Variants in SCYL2 observed in about 807,000 individuals in gnomAD.
The protein encoded by SCYL2 is SCY1-like protein 2.
SCYL2 carries 36 observed loss-of-function variants against 100.4 expected under a neutral mutation model. The ratio of observed to expected loss-of-function variants is 0.36; its 90% CI spans 0.27 to 0.47. SCYL2 has a LOEUF of 0.47. Ranked by LOEUF, SCYL2 falls within the 20% of genes least tolerant of loss-of-function variation. The probability of loss-of-function intolerance (pLI) is 1.00; values close to 1 mark genes in which losing one functional copy is unlikely to be tolerated. For synonymous variants in SCYL2, 330 were observed against 359.2 expected, an observed-to-expected ratio of 0.92 and a Z score of 0.92; for missense variants, 902 against 1,083.9, an observed-to-expected ratio of 0.83 and a Z score of 2.36.
chr12:100,311,383 G>T (rs2096341983), intron 5 of SCYL2, among the ~76,000 whole-genome samples, 190 bp downstream of exon 5: 1 of 151,844 alleles, frequency 6.6e-6, no homozygotes, highest in African/African-American at 2.4e-5. Context: ...TGTTATTTGA[G>T]AAAAGGATGC....
At chr12:100,291,399 G>A (rs1469396318) in intron 2 of SCYL2, 104 bp from the exon 3 acceptor site, 4 of 714,776 alleles carry the variant, frequency 5.6e-6, no homozygotes, top group Non-Finnish European at 8.9e-6. Context: ...TATTACAATG[G>A]TGCTAAAATT....
At position 100,313,503 on chromosome 12, in the gene SCYL2, C is replaced by T; in HGVS notation, c.934C>T (p.Pro312Ser). The T allele has an allele frequency of 6.2e-7, 1 of 1,603,494 alleles. No homozygotes were observed. The highest frequency in any genetic ancestry group is 1.7e-5 in the Admixed American group (1 of 59,784). The change falls in exon 7 of 18, where the codon CCG becomes TCG. Residue 312 changes from proline (P) to serine (S), a missense_variant. Physicochemically the swap from Pro to Ser is moderately conservative, Grantham distance 74 (BLOSUM62 -1). Transcript: ENST00000360820. ...EHVKLLLNVT[P>S]TVRPDADQMT... Reference sequence around the variant, plus strand: ...TGTAAAGCTACTGTTAAATGTAACTCCGACTGTAAGACCAGATGCAGATCA... The same window carrying T: ...TGTAAAGCTACTGTTAAATGTAACTTCGACTGTAAGACCAGATGCAGATCA...
At position 100,313,657 on chromosome 12, in the gene SCYL2, C is replaced by A. The variant is rs965816529; in HGVS notation, c.969+119C>A. On this transcript the variant is annotated intron_variant, in intron 7 of 17. Coordinates refer to ENST00000360820, the MANE Select transcript of SCYL2 (RefSeq NM_017988.6). ...GGGATCCCTGTTCTGAGATTAAGTT[C>A]TTCTAAAGCAACAGTCAGATACAGC... 41 of 601,098 alleles carry A rather than the reference C, an allele frequency of 6.8e-5. No individual in the cohort carries two copies. In the South Asian group the frequency reaches 8.4e-4, roughly 12 times the overall value. The allele number at this position is 601,098 out of a possible 1,614,324, so 37.2% of individuals were successfully genotyped here.
At chr12:100,280,055 A>T (rs752685792) in intron 1 of SCYL2, among the ~76,000 whole-genome samples, 1 of 152,180 alleles carries the variant, frequency 6.6e-6, no homozygotes, top group Non-Finnish European at 1.5e-5. Flanking sequence ...GTAGTTTGGA[A>T]TGTGCCTCTG....
In SCYL2 at chr12:100,313,434, G is replaced by A. The variant is rs745826107; in HGVS notation, c.865G>A (p.Gly289Arg). The change falls in exon 7 of 18, where the codon GGA (glycine) becomes AGA (arginine). Residue 289 changes from glycine (G) to arginine (R), a missense_variant. Physicochemically the swap from Gly to Arg is moderately radical, Grantham distance 125. Transcript: ENST00000360820. ...CTCTTTTGAATAGTTGAGTCGTTTAGGATCTAGTTCACTTACAAATATACC... is the reference window on the plus strand; with the variant it reads ...CTCTTTTGAATAGTTGAGTCGTTTAAGATCTAGTTCACTTACAAATATACC... ...SRQLDQLSRLGSSSLTNIPEE... is the reference protein window; with the variant it reads ...SRQLDQLSRLRSSSLTNIPEE... 1 of 1,490,784 alleles carries A rather than the reference G, an allele frequency of 6.7e-7. No individual in the cohort carries two copies. The highest frequency in any genetic ancestry group is 9.3e-7 in the Non-Finnish European group (1 of 1,073,468). 92.3% of individuals were successfully genotyped at this position (1,490,784 alleles called of 1,614,324 possible).
intron 10 of SCYL2, among the ~76,000 whole-genome samples, chr12:100,322,685 C>A (rs1017692494): frequency 5.3e-5 from 8 of 151,732 alleles, no homozygotes; most frequent in Non-Finnish European, 8.8e-5. Flanking sequence ...ATGGTGAAAC[C>A]CCATCTCTAC....
chr12:100,314,043 G>A (rs2096345526), intron 7 of SCYL2, among the ~76,000 whole-genome samples: 1 of 152,054 alleles, frequency 6.6e-6, no homozygotes, highest in African/African-American at 2.4e-5. Context: ...ACCACACCTG[G>A]CTAATTTTTG....
At chr12:100,326,792 C>T (rs140434831) in intron 12 of SCYL2, 38 bp downstream of exon 12, 1 of 1,575,554 alleles carries the variant, frequency 6.3e-7, no homozygotes, top group Non-Finnish European at 8.6e-7. Flanking sequence ...GCTATTTTAT[C>T]ATGCAAATAA....
intron 10 of SCYL2, among the ~76,000 whole-genome samples, chr12:100,321,663 T>C (rs1042097955): frequency 1.3e-5 from 2 of 152,240 alleles, no homozygotes; most frequent in Non-Finnish European, 2.9e-5. Context: ...AAATTCGCTC[T>C]CACAGATGAC....
At chr12:100,325,294 A>G (rs1328917105) in intron 11 of SCYL2, among the ~76,000 whole-genome samples, 1 of 152,180 alleles carries the variant, frequency 6.6e-6, no homozygotes, top group Non-Finnish European at 1.5e-5. Flanking sequence ...AATGGGAAAC[A>G]TGGATACTTA....
rs34911042 is a variant in SCYL2, at chr12:100,311,433, G to GT, written c.630+251dup. On this transcript the variant is annotated intron_variant, in intron 5 of 17. Coordinates refer to ENST00000360820, the MANE Select transcript of SCYL2 (RefSeq NM_017988.6). ...TTTAAGAATTATTTGATTAAATAGG[G>GT]TTTTTTTTTTTCCTCAGGATGTCAA... Among the ~76,000 whole-genome samples, 432 of 146,976 alleles carry GT rather than the reference G, an allele frequency of 2.9e-3. 5 individuals carry two copies. In the East Asian group the frequency reaches 0.037, roughly 13 times the overall value.
intron 1 of SCYL2, among the ~76,000 whole-genome samples, chr12:100,276,203 T>G (rs1054769179): frequency 3.3e-5 from 5 of 152,228 alleles, no homozygotes; most frequent in Admixed American, 3.3e-4. Flanking sequence ...AGAGTTTGTG[T>G]AGACTTGGTA....
At position 100,339,304 on chromosome 12, in the gene SCYL2, T is replaced by G; in HGVS notation, c.*132T>G. Reference sequence around the variant, plus strand: ...ACAGTTCTGTGACAGGAAACATCTCTGTCCATGCCAGCATAGTAGTTGTAT... The same window carrying G: ...ACAGTTCTGTGACAGGAAACATCTCGGTCCATGCCAGCATAGTAGTTGTAT... On this transcript the variant is annotated 3_prime_UTR_variant, in exon 18 of 18. Transcript: ENST00000360820. 3.4e-6 allele frequency: 3 copies of G among 872,218 alleles called. No individual in the cohort carries two copies. Among genetic ancestry groups the G allele is most frequent in the Non-Finnish European group, 5.2e-6 (3 of 577,678 alleles). The allele number at this position is 872,218 out of a possible 1,614,324, so 54.0% of individuals were successfully genotyped here. A position where few individuals can be genotyped will look rare whatever the true frequency, so the allele number is the denominator to read the frequency against.
At chr12:100,316,182 C>T (rs1006502679) in intron 9 of SCYL2, among the ~76,000 whole-genome samples, 18 of 152,152 alleles carry the variant, frequency 1.2e-4, no homozygotes, top group African/African-American at 4.1e-4. Context: ...TAACTACTTC[C>T]ACTAGAATAG....
chr12:100,275,281 G>A (rs1467744121), intron 1 of SCYL2, among the ~76,000 whole-genome samples: 4 of 151,384 alleles, frequency 2.6e-5, no homozygotes, highest in Non-Finnish European at 4.4e-5. Flanking sequence ...AGCTCACTGC[G>A]TCCTCAACCT....
chr12:100,332,244 A>G, intron 13 of SCYL2, among the ~76,000 whole-genome samples: 1 of 152,172 alleles, frequency 6.6e-6, no homozygotes, highest in East Asian at 1.9e-4. Flanking sequence ...AGGTCTGATC[A>G]AGTAACACCC....
intron 12 of SCYL2, among the ~76,000 whole-genome samples, chr12:100,327,619 A>G (rs950465779): frequency 4.6e-5 from 7 of 151,736 alleles, no homozygotes; most frequent in African/African-American, 1.7e-4. Flanking sequence ...AGTTCAAGCA[A>G]TTCTCTGCCT....
chr12:100,309,980 T>C (rs1214023252), intron 4 of SCYL2, among the ~76,000 whole-genome samples: 3 of 152,008 alleles, frequency 2.0e-5, no homozygotes, highest in African/African-American at 4.8e-5. Context: ...AGATGTGGAT[T>C]TTCTTTTTTC....
At chr12:100,316,718 G>C (rs2096349140) in intron 9 of SCYL2, among the ~76,000 whole-genome samples, 1 of 152,206 alleles carries the variant, frequency 6.6e-6, no homozygotes, top group South Asian at 2.1e-4. Flanking sequence ...TGTTCCCTAA[G>C]CTATGCATCA....
Sources: gnomAD v4.1 joint callset for allele counts (sites outside exome capture counted in the v4.1 genomes callset) on GRCh38, gnomAD v4.1.1 for gene constraint, MANE v1.5 for transcripts, NCBI Gene and HGNC (gene_info 2026-07-23, HGNC 2026-07-21) for gene names.